C12orf57: variants seen among roughly 807,000 people sequenced by gnomAD.
C12orf57 encodes chromosome 12 open reading frame 57, also known as protein C10.
In C12orf57, 14 loss-of-function variants were observed where a neutral mutation model predicts 11.3. That is an observed-to-expected ratio of 1.24 (90% confidence interval 0.82 to 1.94). The LOEUF (loss-of-function observed/expected upper bound fraction) is 1.94, where lower values mean the gene tolerates loss of function less well. Ranked by LOEUF, C12orf57 falls within the 30% of genes most tolerant of loss-of-function variation. The pLI, the probability that C12orf57 is intolerant of heterozygous loss-of-function variation, is 0.00. For missense variants in C12orf57, 229 were observed against 172.4 expected, an observed-to-expected ratio of 1.33 and a Z score of -1.84; for synonymous variants, 100 against 74.6, an observed-to-expected ratio of 1.34 and a Z score of -1.76.
upstream of C12orf57, chr12:6,943,847 T>A: frequency 2.2e-6 from 2 of 901,132 alleles, no homozygotes; most frequent in Non-Finnish European, 3.1e-6. Context: ...ATTTGTCTAG[T>A]AGGCTTTCTG....
At chr12:6,944,226 A>T (rs1161481738) in intron 1 of C12orf57, 53 bp downstream of exon 1, 18 of 1,601,758 alleles carry the variant, frequency 1.1e-5, no homozygotes, top group African/African-American at 1.3e-5. Context: ...TAGTCAAGGC[A>T]TGGGCTGCTG....
upstream of C12orf57, chr12:6,943,891 G>T (rs909670975): frequency 2.0e-5 from 21 of 1,066,868 alleles, no homozygotes; most frequent in African/African-American, 3.2e-5. Context: ...TATGATGTTT[G>T]TTGCCAATGA....
Position 6,944,653 on chromosome 12 carries a change from G to A in C12orf57, c.229+1G>A. 6.2e-7 allele frequency: 1 copy of A among 1,610,176 alleles called. No homozygotes were observed. On this transcript the variant is annotated splice_donor_variant, in intron 2 of 2. Transcript: ENST00000229281. LOFTEE classifies it high-confidence loss of function. ...TATGGCTTCAGCTGCGACGGGGAAG[G>A]TGGGTCAGACGCGGGAAGGCGGGTC...
At position 6,945,973 on chromosome 12, in the gene C12orf57, C is replaced by A. The variant is rs1555146601; in HGVS notation, c.*51C>A. On this transcript the variant is annotated 3_prime_UTR_variant, in exon 3 of 3. Transcript: ENST00000229281. ...CCAGGGGAGGAAAGGCCTTGATGTT[C>A]CAGACAATAATAAATGCGCCTGTGA... The A allele has an allele frequency of 1.3e-6, 2 of 1,573,090 alleles. No individual in the cohort carries two copies. The highest frequency in any genetic ancestry group is 1.7e-6 in the Non-Finnish European group (2 of 1,162,830).
upstream of C12orf57, chr12:6,943,899 T>G (rs1010719965): frequency 1.2e-5 from 13 of 1,101,018 alleles, no homozygotes; most frequent in Non-Finnish European, 1.5e-5. Context: ...TTGTTGCCAA[T>G]GATAGATTGT....
At chr12:6,945,477 G>T (rs1945778995) in intron 2 of C12orf57, among the ~76,000 whole-genome samples, 1 of 152,168 alleles carries the variant, frequency 6.6e-6, no homozygotes, top group African/African-American at 2.4e-5. Flanking sequence ...CAGACCTGGG[G>T]TCTCGTGTTC....
In C12orf57 at chr12:6,945,956, G is replaced by C. The variant is rs376029814; in HGVS notation, c.*34G>C. 5.6e-6 allele frequency: 9 copies of C among 1,596,860 alleles called. No individual in the cohort carries two copies. Among genetic ancestry groups the C allele is most frequent in the Non-Finnish European group, 6.8e-6 (8 of 1,175,076 alleles). On this transcript the variant is annotated 3_prime_UTR_variant, in exon 3 of 3. Transcript: ENST00000229281. ...CCTCCCTTGTGCCACTGCCAGGGGAGGAAAGGCCTTGATGTTCCAGACAAT... is the reference window on the plus strand; with the variant it reads ...CCTCCCTTGTGCCACTGCCAGGGGACGAAAGGCCTTGATGTTCCAGACAAT...
At chr12:6,943,861 T>TA, upstream of C12orf57, 2 of 936,848 alleles carry the variant, frequency 2.1e-6, no homozygotes, top group East Asian at 3.1e-5. Context: ...CTTTCTGGCT[T>TA]TTTACCGGAA....
chr12:6,943,890 T>G (rs782203401), upstream of C12orf57: 11 of 1,059,894 alleles, frequency 1.0e-5, no homozygotes, highest in Middle Eastern at 3.1e-4. Flanking sequence ...TTATGATGTT[T>G]GTTGCCAATG....
intron 2 of C12orf57, 176 bp downstream of exon 2, chr12:6,944,828 T>C (rs782166955): frequency 2.1e-4 from 305 of 1,449,756 alleles, no homozygotes; most frequent in Non-Finnish European, 2.7e-4. Flanking sequence ...AGCTTGTGCG[T>C]CCGAGTTGCG....
At chr12:6,945,411 CA>C (rs1945777319) in intron 2 of C12orf57, among the ~76,000 whole-genome samples, 1 of 152,146 alleles carries the variant, frequency 6.6e-6, no homozygotes, top group Admixed American at 6.5e-5. Context: ...TGGTGTTCCC[CA>C]AAGGTGTTGA....
In C12orf57 at chr12:6,945,191, C is replaced by G. The variant is rs782737528; in HGVS notation, c.229+539C>G. 6.1e-5 allele frequency: 12 copies of G among 195,666 alleles called. No individual in the cohort carries two copies. The East Asian group carries it at 1.3e-3, about 21-fold the overall frequency. The allele number at this position is 195,666 out of a possible 1,614,324, so 12.1% of individuals were successfully genotyped here. A position where few individuals can be genotyped will look rare whatever the true frequency, so the allele number is the denominator to read the frequency against. On this transcript the variant is annotated intron_variant, in intron 2 of 2. Transcript: ENST00000229281. The stretch of plus-strand genomic sequence containing the variant: ...GGATTTTCTAATTAAGGATGGTCAA[C>G]CTGTACTGTTAATCACATTATTATT...
chr12:6,943,871 A>G (rs948467413), upstream of C12orf57: 47 of 955,264 alleles, frequency 4.9e-5, no homozygotes, highest in African/African-American at 1.0e-4. Flanking sequence ...TTTTACCGGA[A>G]AGCCCCTCTT....
At chr12:6,944,277 C>T in intron 1 of C12orf57, 104 bp downstream of exon 1, 6 of 1,602,196 alleles carry the variant, frequency 3.7e-6, no homozygotes, top group South Asian at 1.1e-5. Flanking sequence ...GGCGACAAAC[C>T]TGGCTACGTC....
chr12:6,944,463 T>TTCTG lies in C12orf57; in HGVS notation c.53-12_53-9dup. Reference sequence around the variant, plus strand: ...TACCCGGGACGCCTCCCTGGGATGCTTCTGGCGCGCAGTGGTCCTCGCGGA... The same window carrying TTCTG: ...TACCCGGGACGCCTCCCTGGGATGCTTCTGTCTGGCGCGCAGTGGTCCTCGCGGA... On this transcript the variant is annotated splice_polypyrimidine_tract_variant and intron_variant, in intron 1 of 2. Coordinates refer to ENST00000229281, the MANE Select transcript of C12orf57 (RefSeq NM_138425.4). The TTCTG allele has an allele frequency of 6.2e-7, 1 of 1,610,210 alleles. No homozygotes were observed. The highest frequency in any genetic ancestry group is 8.5e-7 in the Non-Finnish European group (1 of 1,179,072).
upstream of C12orf57, chr12:6,944,001 C>T (rs782078760): frequency 7.5e-5 from 119 of 1,592,952 alleles, no homozygotes; most frequent in Non-Finnish European, 8.5e-5. Context: ...TGGGCGCTTC[C>T]GGCTGCGCCG....
chr12:6,945,097 C>A, intron 2 of C12orf57: 1 of 279,972 alleles, frequency 3.6e-6, no homozygotes, highest in African/African-American at 2.2e-5. Flanking sequence ...TCCCCCACCC[C>A]CCACTATGAA....
upstream of C12orf57, chr12:6,943,866 C>A (rs139594532): frequency 2.1e-6 from 2 of 934,290 alleles, no homozygotes; most frequent in African/African-American, 1.7e-5. Context: ...TGGCTTTTTA[C>A]CGGAAAGCCC....
upstream of C12orf57, chr12:6,943,809 T>C (rs781863636): frequency 1.6e-4 from 139 of 859,640 alleles, no homozygotes; most frequent in East Asian, 4.1e-4. Flanking sequence ...TCCAAACACA[T>C]ACGCAGCAGT....
Sources: allele counts gnomAD v4.1 joint callset (sites outside exome capture counted in the v4.1 genomes callset), GRCh38; gene constraint gnomAD v4.1.1; transcripts MANE v1.5; gene names NCBI Gene and HGNC (gene_info 2026-07-23, HGNC 2026-07-21).